ARMCX4: variants seen among roughly 807,000 people sequenced by gnomAD.
ARMCX4 encodes armadillo repeat containing X-linked 4.
In ARMCX4, 3 loss-of-function variants were observed where a neutral mutation model predicts 34.7. The observed-to-expected ratio is 0.09, with a 90% CI of 0.04 to 0.22. The LOEUF is 0.22. Among genes scored for constraint, ARMCX4 ranks in the 10% least tolerant of loss-of-function variants. The pLI is 1.00. For missense variants in ARMCX4, 1,448 were observed against 1,720.8 expected (o/e 0.84, Z 2.81); for synonymous variants, 513 against 632.8 (o/e 0.81, Z 2.84).
Position 101,488,664 on chromosome X carries a change from C to T in ARMCX4, c.75C>T (p.Tyr25=), listed in dbSNP as rs782647386. The change falls in exon 6 of 6, where the codon TAC becomes TAT. Residue 25 remains tyrosine, a synonymous_variant. Coordinates refer to ENST00000423738, the MANE Select transcript of ARMCX4 (RefSeq NM_001256155.3). ...VIWAGTCYYI[Y]KFTKGRAQSV... ...GGGCTGGCACCTGCTACTACATTTA[C>T]AAATTTACCAAGGGAAGAGCCCAGA... 6.9e-6 allele frequency: 8 copies of T among 1,154,549 alleles called. No homozygotes were observed. The East Asian group carries it at 2.3e-4, about 33-fold the overall frequency.
intron 11 of ARMCX4, among the ~76,000 whole-genome samples, chrX:101,522,338 G>A (rs956494764): frequency 5.4e-5 from 6 of 111,445 alleles, no homozygotes; most frequent in Admixed American, 1.9e-4. Flanking sequence ...TGTTTGCATG[G>A]TATATCTTTT....
intron 2 of ARMCX4, among the ~76,000 whole-genome samples, chrX:101,432,679 T>TAC (rs1464113420): frequency 3.7e-5 from 4 of 106,910 alleles, no homozygotes; most frequent in Non-Finnish European, 7.7e-5. Flanking sequence ...CCCATGTATA[T>TAC]ACATATATAC....
At position 101,488,566 on chromosome X, in the gene ARMCX4, C is replaced by G; in HGVS notation, c.-24C>G. On this transcript the variant is annotated 5_prime_UTR_variant, in exon 6 of 6. Coordinates refer to ENST00000423738, the MANE Select transcript of ARMCX4 (RefSeq NM_001256155.3). ...CGAGTGCGCTCTACCATACCTTGTT[C>G]GTGCTTTTAGCAGGGGTGATTACAT... 1.7e-6 allele frequency: 2 copies of G among 1,155,887 alleles called. No individual in the cohort carries two copies. The highest frequency in any genetic ancestry group is 3.8e-5 in the South Asian group (2 of 52,724).
chrX:101,521,062 G>C (rs1231230722), intron 11 of ARMCX4, among the ~76,000 whole-genome samples: 1 of 108,306 alleles, frequency 9.2e-6, no homozygotes, highest in Non-Finnish European at 1.9e-5. Flanking sequence ...CTCCCGAGTA[G>C]CTGGGATTAC....
intron 2 of ARMCX4, among the ~76,000 whole-genome samples, chrX:101,438,543 T>G (rs1555995747): frequency 9.0e-6 from 1 of 110,882 alleles, no homozygotes; most frequent in African/African-American, 3.3e-5. Flanking sequence ...CCAGTCTGGG[T>G]GACAGAGCGA....
intron 2 of ARMCX4, among the ~76,000 whole-genome samples, chrX:101,435,523 T>C (rs1254560942): frequency 8.9e-6 from 1 of 111,964 alleles, no homozygotes; most frequent in East Asian, 2.8e-4. Context: ...GAGTTCATTG[T>C]AGATTCTGGA....
intron 11 of ARMCX4, among the ~76,000 whole-genome samples, chrX:101,526,648 G>A (rs1934982248): frequency 9.0e-6 from 1 of 111,654 alleles, no homozygotes; most frequent in Admixed American, 9.5e-5. Context: ...GATCTACCAA[G>A]CAAATGGAAA....
At chrX:101,479,008 A>G (rs1415173619) in intron 4 of ARMCX4, among the ~76,000 whole-genome samples, 2 of 111,053 alleles carry the variant, frequency 1.8e-5, no homozygotes, top group Non-Finnish European at 3.8e-5. Flanking sequence ...GAAAGAATAA[A>G]ATGTTTAGAT....
chrX:101,461,736 C>T (rs2147607353), intron 4 of ARMCX4, among the ~76,000 whole-genome samples: 1 of 111,713 alleles, frequency 9.0e-6, no homozygotes, highest in Admixed American at 9.6e-5. Flanking sequence ...TTTTCTCCCT[C>T]TCTTTTTTTT....
chrX:101,493,724 G>T lies in ARMCX4; in HGVS notation c.5135G>T (p.Arg1712Ile), dbSNP rs1934070193. The change falls in exon 6 of 6, where the codon AGA becomes ATA. Residue 1712 changes from arginine to isoleucine, a missense_variant. This residue lies in a region of ARMCX4 where 1,343 missense variants were observed against 1,540.7 expected (regional missense o/e 0.87). Coordinates refer to ENST00000423738, the MANE Select transcript of ARMCX4 (RefSeq NM_001256155.3). ...EDQATGGSWA[R>I]SEDQASGRFQ... ...CAGGCCACTGGAGGATCCTGGGCTA[G>T]ATCTGAGGACCAGGCCAGTGGAAGG... The T allele has an allele frequency of 8.7e-7, 1 of 1,151,277 alleles. No individual in the cohort carries two copies. The highest frequency in any genetic ancestry group is 1.1e-6 in the Non-Finnish European group (1 of 871,925). The allele number at this position is 1,151,277 out of a possible 1,213,427, so 94.9% of individuals were successfully genotyped here.
intron 2 of ARMCX4, among the ~76,000 whole-genome samples, chrX:101,432,900 G>GTATACATACGTGTATATATACGT: frequency 4.1e-5 from 1 of 24,370 alleles, no homozygotes; most frequent in South Asian, 2.1e-3. Flanking sequence ...ATATATACGT[G>GTATACATACGTGTATATATACGT]TATATACACA....
At chrX:101,496,769 G>A (rs1286907863), downstream of ARMCX4, among the ~76,000 whole-genome samples, 4 of 111,502 alleles carry the variant, frequency 3.6e-5, no homozygotes, top group Middle Eastern at 4.2e-3. Flanking sequence ...TGAGGGTGTC[G>A]GGGGAGGAGC....
At chrX:101,464,176 C>A (rs1932751088) in intron 4 of ARMCX4, among the ~76,000 whole-genome samples, 1 of 109,464 alleles carries the variant, frequency 9.1e-6, no homozygotes, top group African/African-American at 3.3e-5. Flanking sequence ...AGTTCGAGAC[C>A]AGCTTTGCCA....
chrX:101,481,974 C>A (rs5991910), upstream of ARMCX4, among the ~76,000 whole-genome samples: 7,792 of 111,289 alleles, frequency 0.07, 260 homozygotes, highest in Middle Eastern at 0.16. Flanking sequence ...TGGCTCACAC[C>A]TGTAATCCCA....
At chrX:101,433,792 C>T (rs1039925123) in intron 2 of ARMCX4, among the ~76,000 whole-genome samples, 19 of 111,660 alleles carry the variant, frequency 1.7e-4, no homozygotes, top group Admixed American at 1.5e-3. Flanking sequence ...AAATTATTCT[C>T]CTGCAAAACC....
chrX:101,533,331 C>A (rs1318849779), exon 13 of ARMCX4: 1 of 110,664 alleles, frequency 9.0e-6, no homozygotes, highest in Non-Finnish European at 1.9e-5. Flanking sequence ...TTCCTCTTGC[C>A]CTCTTAGGCC....
rs2147675297 is a variant in ARMCX4 at position 101,493,919 on chromosome X, C to T, written c.5330C>T (p.Ala1777Val). ...TASRSGAGEEAMICSRIEAEN... is the reference protein window; with the variant it reads ...TASRSGAGEEVMICSRIEAEN... ...TCCAGATCAGGGGCTGGGGAAGAGG[C>T]CATGATTTGTTCTAGGATTGAGGCT... The change falls in exon 6 of 6, where the codon GCC (alanine) becomes GTC (valine). Residue 1777 changes from alanine to valine, a missense_variant. By Grantham distance (64) the Ala-to-Val change is moderately conservative. Coordinates refer to ENST00000423738, the MANE Select transcript of ARMCX4 (RefSeq NM_001256155.3). The T allele has an allele frequency of 8.7e-7, 1 of 1,148,687 alleles. No homozygotes were observed. The highest frequency in any genetic ancestry group is 1.1e-6 in the Non-Finnish European group (1 of 870,162). 94.7% of individuals were successfully genotyped at this position (1,148,687 alleles called of 1,213,427 possible).
In ARMCX4 at chrX:101,489,291, C is replaced by G. The variant is rs1467307368; in HGVS notation, c.702C>G (p.Thr234=). Reference sequence around the variant, plus strand: ...ACAAGACTGGAATTGTGGATGAAACCAAGACAAGAGCTCTGGAAGAGACTG... The same window carrying G: ...ACAAGACTGGAATTGTGGATGAAACGAAGACAAGAGCTCTGGAAGAGACTG... ...ATNKTGIVDE[T]KTRALEETVS... Residue 234 remains threonine, a synonymous_variant, in exon 6 of 6, where the codon ACC becomes ACG. Transcript: ENST00000423738. 8.7e-7 allele frequency: 1 copy of G among 1,154,251 alleles called. No individual in the cohort carries two copies. The highest frequency in any genetic ancestry group is 1.1e-6 in the Non-Finnish European group (1 of 872,657).
At chrX:101,496,925 C>G (rs1233197162), downstream of ARMCX4, among the ~76,000 whole-genome samples, 2 of 111,924 alleles carry the variant, frequency 1.8e-5, no homozygotes, top group Non-Finnish European at 3.8e-5. Context: ...CATCTTCAAA[C>G]TGTTTTGAAG....
Sources: allele counts gnomAD v4.1 joint callset (sites outside exome capture counted in the v4.1 genomes callset), GRCh38; gene constraint gnomAD v4.1.1; regional missense constraint gnomAD v4.1.1; transcripts MANE v1.5; gene names NCBI Gene and HGNC (gene_info 2026-07-23, HGNC 2026-07-21).